HS3ST3A1: variants seen among roughly 807,000 people sequenced by gnomAD.
HS3ST3A1 encodes the protein heparan sulfate glucosamine 3-O-sulfotransferase 3A1.
HS3ST3A1 carries 19 observed loss-of-function variants against 25.7 expected under a neutral mutation model. The ratio of observed to expected loss-of-function variants is 0.74; its 90% CI spans 0.52 to 1.08. HS3ST3A1 has a LOEUF of 1.08. Ranked by LOEUF, HS3ST3A1 falls within the 50% of genes least tolerant of loss-of-function variation. The pLI is 0.00. For missense variants in HS3ST3A1, 459 were observed against 594.3 expected, an observed-to-expected ratio of 0.77 and a Z score of 2.37; for synonymous variants, 226 against 278.6, an observed-to-expected ratio of 0.81 and a Z score of 1.88.
At position 13,555,545 on chromosome 17, in the gene HS3ST3A1, C is replaced by A. The variant is rs112019988; in HGVS notation, c.599+44986G>T. Among the ~76,000 whole-genome samples, 692 of 152,218 alleles carry A rather than the reference C, an allele frequency of 4.5e-3. 6 individuals are homozygous for A. The highest frequency in any genetic ancestry group is 0.016 in the African/African-American group (645 of 41,530). ...GGCCCCTTAGAGTGGAAGCATCTTG[C>A]CTCAAAACCATCCTAGACTTGATTA... is the stretch of plus-strand genomic sequence containing the variant. On this transcript the variant is annotated intron_variant, in intron 1 of 1. Coordinates refer to ENST00000284110, the MANE Select transcript of HS3ST3A1 (RefSeq NM_006042.3).
chr17:13,512,660 A>AT (rs1213711456), intron 1 of HS3ST3A1, among the ~76,000 whole-genome samples: 1 of 152,174 alleles, frequency 6.6e-6, no homozygotes, highest in Non-Finnish European at 1.5e-5. Flanking sequence ...TTCATAAAAC[A>AT]TTTTTCACCT....
intron 1 of HS3ST3A1, among the ~76,000 whole-genome samples, chr17:13,508,963 A>T (rs1435949931): frequency 2.1e-5 from 3 of 143,464 alleles, no homozygotes; most frequent in Non-Finnish European, 4.6e-5. Context: ...CATCTCTTTA[A>T]TTTTTTTTTT....
intron 1 of HS3ST3A1, among the ~76,000 whole-genome samples, chr17:13,589,180 T>G (rs575339853): frequency 5.8e-4 from 89 of 152,340 alleles, no homozygotes; most frequent in African/African-American, 2.1e-3. Context: ...ATGTAAATTC[T>G]TTTCCAATCT....
At chr17:13,526,818 T>A (rs1156609486) in intron 1 of HS3ST3A1, among the ~76,000 whole-genome samples, 5 of 151,356 alleles carry the variant, frequency 3.3e-5, no homozygotes, top group East Asian at 2.0e-4. Context: ...CAGCTAATAT[T>A]TTTTTTTGTA....
chr17:13,501,639 C>T (rs1445369714), intron 1 of HS3ST3A1, among the ~76,000 whole-genome samples: 2 of 152,072 alleles, frequency 1.3e-5, no homozygotes, highest in Non-Finnish European at 2.9e-5. Context: ...TCTCTATGCT[C>T]AGTTTATTCA....
chr17:13,522,537 T>C (rs1199521930), intron 1 of HS3ST3A1, among the ~76,000 whole-genome samples: 2 of 152,316 alleles, frequency 1.3e-5, no homozygotes, highest in Non-Finnish European at 2.9e-5. Context: ...GTCTATATGC[T>C]GAAGGAAATA....
At chr17:13,520,618 C>CTTT (rs112863523) in intron 1 of HS3ST3A1, among the ~76,000 whole-genome samples, 1 of 147,770 alleles carries the variant, frequency 6.8e-6, no homozygotes, top group Non-Finnish European at 1.5e-5. Context: ...TTCTTTCTTT[C>CTTT]TTTTTTTTTT....
At chr17:13,518,835 T>C (rs376705986) in intron 1 of HS3ST3A1, among the ~76,000 whole-genome samples, 60 of 152,342 alleles carry the variant, frequency 3.9e-4, no homozygotes, top group Admixed American at 1.2e-3. Flanking sequence ...AGCCATCTGG[T>C]CGACCCACAG....
intron 1 of HS3ST3A1, among the ~76,000 whole-genome samples, chr17:13,527,498 T>C (rs1187480992): frequency 6.6e-6 from 1 of 152,142 alleles, no homozygotes; most frequent in Admixed American, 6.6e-5. Context: ...GGTTTGGTAA[T>C]TAAGGCATTA....
intron 1 of HS3ST3A1, among the ~76,000 whole-genome samples, chr17:13,533,836 G>A (rs757362152): frequency 4.6e-5 from 7 of 152,138 alleles, no homozygotes; most frequent in Non-Finnish European, 1.0e-4. Flanking sequence ...TAACAAATCA[G>A]AAGAGAAAGA....
chr17:13,515,851 T>C (rs888355660), intron 1 of HS3ST3A1, among the ~76,000 whole-genome samples: 10 of 152,186 alleles, frequency 6.6e-5, no homozygotes, highest in African/African-American at 2.4e-4. Context: ...AATAGTTGTG[T>C]GGTGGTATCA....
chr17:13,503,187 A>G lies in HS3ST3A1; in HGVS notation c.600-6369T>C, dbSNP rs9902595. 5.2e-3 allele frequency among the ~76,000 whole-genome samples: 792 copies of G among 151,456 alleles called. 9 individuals carry two copies. Among genetic ancestry groups the G allele is most frequent in the African/African-American group, 0.018 (750 of 41,352 alleles). The stretch of plus-strand genomic sequence containing the variant: ...AGACTCCATCTCAAAAAAAAAAAAA[A>G]AAAAGAAAAAAAAAGAGCTCCTATA... On this transcript the variant is annotated intron_variant, in intron 1 of 1. Transcript: ENST00000284110.
intron 1 of HS3ST3A1, among the ~76,000 whole-genome samples, chr17:13,579,194 A>T (rs1190048415): frequency 2.0e-5 from 3 of 152,182 alleles, no homozygotes; most frequent in Non-Finnish European, 4.4e-5. Flanking sequence ...GGAGTGTAAA[A>T]TCATACAACC....
At chr17:13,522,164 G>A (rs929522501) in intron 1 of HS3ST3A1, among the ~76,000 whole-genome samples, 4 of 151,782 alleles carry the variant, frequency 2.6e-5, no homozygotes, top group Non-Finnish European at 5.9e-5. Flanking sequence ...TAATTGTTTC[G>A]TGAACATGTA....
intron 1 of HS3ST3A1, among the ~76,000 whole-genome samples, chr17:13,560,076 G>C (rs1306812284): frequency 6.6e-6 from 1 of 151,338 alleles, no homozygotes; most frequent in Non-Finnish European, 1.5e-5. Context: ...GATCACCTGA[G>C]GTCAGGAGTT....
chr17:13,594,991 G>A (rs531900265), intron 1 of HS3ST3A1, among the ~76,000 whole-genome samples: 1 of 152,152 alleles, frequency 6.6e-6, no homozygotes, highest in Non-Finnish European at 1.5e-5. Context: ...CGGGCTGTTC[G>A]AGTCGGTGAA....
rs149411603 is a variant in HS3ST3A1 at position 13,535,626 on chromosome 17, G to C, written c.600-38808C>G. 1.4e-3 allele frequency among the ~76,000 whole-genome samples: 213 copies of C among 151,914 alleles called. 1 individual carries two copies. Among genetic ancestry groups the C allele is most frequent in the Non-Finnish European group, 2.5e-3 (167 of 68,004 alleles). Reference sequence around the variant, plus strand: ...ATTTGCAGACACAAATCTGTGAATAGTGAGGATCAACTGCATTTGTTAAAT... The same window carrying C: ...ATTTGCAGACACAAATCTGTGAATACTGAGGATCAACTGCATTTGTTAAAT... On this transcript the variant is annotated intron_variant, in intron 1 of 1. Coordinates refer to ENST00000284110, the MANE Select transcript of HS3ST3A1 (RefSeq NM_006042.3).
At chr17:13,584,620 C>T (rs558068978) in intron 1 of HS3ST3A1, among the ~76,000 whole-genome samples, 19 of 143,806 alleles carry the variant, frequency 1.3e-4, no homozygotes, top group African/African-American at 5.2e-4. Context: ...TTGGCTAAAA[C>T]TCTCTGATTA....
intron 1 of HS3ST3A1, among the ~76,000 whole-genome samples, chr17:13,565,006 G>A (rs1437329416): frequency 2.0e-5 from 3 of 152,072 alleles, no homozygotes; most frequent in African/African-American, 4.8e-5. Context: ...ACAGACATGA[G>A]CCATCGTGCC....
Sources: allele counts gnomAD v4.1 joint callset (sites outside exome capture counted in the v4.1 genomes callset), GRCh38; gene constraint gnomAD v4.1.1; transcripts MANE v1.5; gene names NCBI Gene and HGNC (gene_info 2026-07-23, HGNC 2026-07-21).